Variants in RBFOX2 observed in about 807,000 individuals in gnomAD.
RBFOX2 encodes RNA binding fox-1 homolog 2.
RBFOX2 carries 10 observed loss-of-function variants against 49.1 expected under a neutral mutation model. The observed-to-expected ratio is 0.20, with a 90% CI of 0.13 to 0.35. RBFOX2 has a LOEUF of 0.35. RBFOX2 is among the 10% of genes least tolerant of loss of function. RBFOX2 has a pLI of 1.00. For missense variants in RBFOX2, 323 were observed against 486.9 expected (o/e 0.66, Z 3.17); for synonymous variants, 183 against 187.4 (o/e 0.98, Z 0.19).
intron 3 of RBFOX2, among the ~76,000 whole-genome samples, 197 bp from the exon 5 acceptor site, chr22:35,778,275 T>C (rs895282547): frequency 2.0e-5 from 3 of 152,204 alleles, no homozygotes; most frequent in Non-Finnish European, 4.4e-5. Context: ...TATCCACCTG[T>C]GTGTGTGGAA....
intron 1 of RBFOX2, among the ~76,000 whole-genome samples, chr22:36,005,431 A>G (rs1271503216): frequency 6.6e-6 from 1 of 152,284 alleles, no homozygotes; most frequent in Non-Finnish European, 1.5e-5. Context: ...AAGTGTCTAA[A>G]CAAAATGACA....
chr22:35,874,201 C>T (rs180826774), intron 1 of RBFOX2, among the ~76,000 whole-genome samples: 2 of 152,188 alleles, frequency 1.3e-5, no homozygotes, highest in African/African-American at 2.4e-5. Context: ...ACCTGCCTAG[C>T]GAAAGGCAGT....
At chr22:35,748,923 AT>A (rs1376451818) in intron 9 of RBFOX2, among the ~76,000 whole-genome samples, 1 of 152,234 alleles carries the variant, frequency 6.6e-6, no homozygotes, top group Non-Finnish European at 1.5e-5. Flanking sequence ...ATCTCTGAGT[AT>A]TCTATCAAAT....
intron 2 of RBFOX2, among the ~76,000 whole-genome samples, chr22:35,782,771 G>C (rs928719410): frequency 2.6e-5 from 4 of 152,192 alleles, no homozygotes; most frequent in African/African-American, 9.7e-5. Context: ...TAGAGACCCT[G>C]ACTCATCTGC....
At chr22:35,981,589 C>A (rs1014818092) in intron 1 of RBFOX2, among the ~76,000 whole-genome samples, 1 of 151,100 alleles carries the variant, frequency 6.6e-6, no homozygotes, top group Non-Finnish European at 1.5e-5. Flanking sequence ...TTGCAGTAAG[C>A]CAAGATCATG....
chr22:35,764,107 C>T (rs1602327878), intron 6 of RBFOX2, among the ~76,000 whole-genome samples: 1 of 151,910 alleles, frequency 6.6e-6, no homozygotes, highest in Non-Finnish European at 1.5e-5. Flanking sequence ...GGTATCATAC[C>T]GATAAAAGGA....
chr22:35,855,662 G>A (rs932854760), intron 1 of RBFOX2, among the ~76,000 whole-genome samples: 1 of 151,780 alleles, frequency 6.6e-6, no homozygotes, highest in Non-Finnish European at 1.5e-5. Context: ...ACCTGCCTCA[G>A]CCTCCCAAAG....
intron 1 of RBFOX2, among the ~76,000 whole-genome samples, chr22:36,021,178 T>C (rs943990914): frequency 5.1e-5 from 7 of 137,728 alleles, no homozygotes; most frequent in South Asian, 2.3e-4. Flanking sequence ...TTCTCACTCA[T>C]AGGTGAGAAT....
At chr22:35,947,672 TAAAAAAAAAAAA>T (rs559788717) in intron 1 of RBFOX2, among the ~76,000 whole-genome samples, 3,843 of 34,250 alleles carry the variant, frequency 0.11, 99 homozygotes, top group South Asian at 0.27. Context: ...GTTTAAAAAG[TAAAAAAAAAAAA>T]AAAAAAAAAA....
At chr22:35,959,343 C>T (rs2055947441) in intron 1 of RBFOX2, among the ~76,000 whole-genome samples, 1 of 152,236 alleles carries the variant, frequency 6.6e-6, no homozygotes, top group Non-Finnish European at 1.5e-5. Flanking sequence ...TGTTACGCAG[C>T]AGTTTAGTCC....
At chr22:35,937,325 T>C (rs1817029430) in intron 1 of RBFOX2, among the ~76,000 whole-genome samples, 2 of 152,276 alleles carry the variant, frequency 1.3e-5, no homozygotes, top group South Asian at 4.1e-4. Context: ...ATCTTTACAT[T>C]CTCTTTAGAT....
Position 35,774,911 on chromosome 22 carries a change from C to G in RBFOX2, c.453+3114G>C, listed in dbSNP as rs116930504. 3.9e-5 allele frequency among the ~76,000 whole-genome samples: 6 copies of G among 152,212 alleles called. No homozygotes were observed. The East Asian group carries it at 1.2e-3, about 29-fold the overall frequency. On this transcript the variant is annotated intron_variant, in intron 4 of 11. Coordinates refer to ENST00000405409, the Ensembl canonical transcript of RBFOX2. ...CCTGTTTTACATTAAGTATTGCTAT[C>G]TTAGAGTTATTTTGTGACTAGTTTT...
upstream of RBFOX2, among the ~76,000 whole-genome samples, chr22:35,844,071 G>A (rs952945385): frequency 6.6e-6 from 1 of 152,136 alleles, no homozygotes; most frequent in African/African-American, 2.4e-5. Flanking sequence ...GACTATATGG[G>A]TTATTCATCC....
At chr22:35,859,076 G>A (rs893417855) in intron 1 of RBFOX2, among the ~76,000 whole-genome samples, 1 of 152,044 alleles carries the variant, frequency 6.6e-6, no homozygotes, top group Non-Finnish European at 1.5e-5. Context: ...GGGAGAAAAA[G>A]TAGAAAATAA....
intron 9 of RBFOX2, chr22:35,750,278 CAAAA>C: frequency 1.8e-6 from 1 of 553,494 alleles, no homozygotes; most frequent in South Asian, 3.2e-5. Context: ...AACAAACAAA[CAAAA>C]AAAGAGGAGA....
chr22:35,907,961 A>C (rs1354872133), intron 1 of RBFOX2, among the ~76,000 whole-genome samples: 1 of 152,082 alleles, frequency 6.6e-6, no homozygotes, highest in African/African-American at 2.4e-5. Context: ...ATTCAATTTC[A>C]CTTGAAACAA....
intron 1 of RBFOX2, among the ~76,000 whole-genome samples, chr22:35,837,509 GCACA>G (rs560302690): frequency 5.4e-5 from 8 of 149,394 alleles, no homozygotes; most frequent in South Asian, 2.1e-4. Context: ...ACACACATGT[GCACA>G]CACACACACA....
At chr22:35,894,489 A>G (rs2047602485) in intron 1 of RBFOX2, among the ~76,000 whole-genome samples, 1 of 152,178 alleles carries the variant, frequency 6.6e-6, no homozygotes, top group African/African-American at 2.4e-5. Context: ...CTGAGCCACC[A>G]GGAAGACTGC....
Position 35,967,544 on chromosome 22 carries a change from G to C in RBFOX2, c.187-28647C>G, listed in dbSNP as rs371467634. Among the ~76,000 whole-genome samples the C allele has an allele frequency of 1.3e-3, 197 of 152,296 alleles. 2 individuals are homozygous for C. In the South Asian group the frequency reaches 0.04, roughly 31 times the overall value. ...GTGCCTCGTATGCACCCAGGGCTGT[G>C]TTAGGTGCTACAAGAGATGAAAATG... On this transcript the variant is annotated intron_variant, in intron 1 of 13. Coordinates refer to the RBFOX2 transcript ENST00000438146.
Sources: allele counts gnomAD v4.1 joint callset (sites outside exome capture counted in the v4.1 genomes callset), GRCh38; gene constraint gnomAD v4.1.1; transcripts MANE v1.5; gene names NCBI Gene and HGNC (gene_info 2026-07-23, HGNC 2026-07-21).